Variants in ATF7IP2 observed in about 807,000 individuals in gnomAD.
ATF7IP2 encodes activating transcription factor 7 interacting protein 2.
A neutral mutation model predicts 64.2 loss-of-function variants in ATF7IP2; 42 were observed. That is an observed-to-expected ratio of 0.65 (90% CI 0.51 to 0.85). The LOEUF (loss-of-function observed/expected upper bound fraction) is 0.85, where lower values mean the gene tolerates loss of function less well. Among genes scored for constraint, ATF7IP2 ranks in the 40% least tolerant of loss-of-function variants. The probability of loss-of-function intolerance (pLI) is 0.00; values close to 1 mark genes in which losing one functional copy is unlikely to be tolerated. For synonymous variants in ATF7IP2, 308 were observed against 272.8 expected, an observed-to-expected ratio of 1.13 and a Z score of -1.27; for missense variants, 933 against 784.2, an observed-to-expected ratio of 1.19 and a Z score of -2.27.
At chr16:10,442,815 C>G (rs2048673796) in intron 8 of ATF7IP2, among the ~76,000 whole-genome samples, 1 of 152,114 alleles carries the variant, frequency 6.6e-6, no homozygotes, top group South Asian at 2.1e-4. Context: ...TAATGGCATC[C>G]TTAGTATAAC....
At chr16:10,419,764 G>C (rs2047955160) in intron 3 of ATF7IP2, 141 bp downstream of exon 3, 1 of 152,238 alleles carries the variant, frequency 6.6e-6, no homozygotes, top group Non-Finnish European at 1.5e-5. Flanking sequence ...TAAGGCTTTA[G>C]GTATCTCAGT....
rs758265588 is a variant in ATF7IP2, at chr16:10,480,870, T to G, written c.1550-9T>G. The G allele has an allele frequency of 1.4e-5, 23 of 1,586,458 alleles. No individual in the cohort carries two copies. Among genetic ancestry groups the G allele is most frequent in the Non-Finnish European group, 1.9e-5 (22 of 1,154,944 alleles). Reference sequence around the variant, plus strand: ...AAGATTTACTTCTTAAACCTTGTGTTGTTCACAGAAAGTCCAGTATCCCCC... The same window carrying G: ...AAGATTTACTTCTTAAACCTTGTGTGGTTCACAGAAAGTCCAGTATCCCCC... On this transcript the variant is annotated splice_polypyrimidine_tract_variant and intron_variant, in intron 12 of 13. Coordinates refer to ENST00000562102, the MANE Select transcript of ATF7IP2 (RefSeq NM_001393719.1).
chr16:10,438,328 T>A, intron 7 of ATF7IP2, 93 bp downstream of exon 7: 1 of 1,307,664 alleles, frequency 7.6e-7, no homozygotes. Flanking sequence ...CACTGCAGCC[T>A]CTGCCTTCTG....
chr16:10,424,586 G>C (rs1033735553), intron 3 of ATF7IP2, among the ~76,000 whole-genome samples: 7 of 152,104 alleles, frequency 4.6e-5, no homozygotes, highest in Admixed American at 2.6e-4. Flanking sequence ...TTTGTAAATT[G>C]TATCTTATAA....
At chr16:10,468,748 G>T (rs1211027219) in intron 9 of ATF7IP2, among the ~76,000 whole-genome samples, 1 of 152,172 alleles carries the variant, frequency 6.6e-6, no homozygotes, top group Non-Finnish European at 1.5e-5. Flanking sequence ...CGAGAGACTG[G>T]GGAAAGAACT....
chr16:10,436,789 C>T (rs749135781), intron 6 of ATF7IP2, among the ~76,000 whole-genome samples: 2 of 152,186 alleles, frequency 1.3e-5, no homozygotes, highest in Middle Eastern at 3.4e-3. Flanking sequence ...CAGGAGGATA[C>T]ACACTGAGTG....
At chr16:10,425,874 C>T (rs1340619262) in intron 3 of ATF7IP2, among the ~76,000 whole-genome samples, 6 of 148,734 alleles carry the variant, frequency 4.0e-5, no homozygotes, top group Admixed American at 4.0e-4. Flanking sequence ...GCCTGGGCAA[C>T]AAGAGTGAAA....
At chr16:10,427,816 C>G (rs564719422) in intron 3 of ATF7IP2, among the ~76,000 whole-genome samples, 1 of 150,660 alleles carries the variant, frequency 6.6e-6, no homozygotes, top group African/African-American at 2.4e-5. Flanking sequence ...CCATGCTGCA[C>G]TCCAGCCTGG....
chr16:10,469,689 C>G (rs1244867056), intron 9 of ATF7IP2, among the ~76,000 whole-genome samples: 1 of 151,998 alleles, frequency 6.6e-6, no homozygotes, highest in Non-Finnish European at 1.5e-5. Context: ...GCAGGAGAAT[C>G]ACTTTGAACC....
intron 1 of ATF7IP2, among the ~76,000 whole-genome samples, chr16:10,404,489 C>T (rs1326626340): frequency 6.6e-6 from 1 of 152,160 alleles, no homozygotes; most frequent in African/African-American, 2.4e-5. Context: ...ATAAATGATC[C>T]ACCCACCTTG....
chr16:10,465,431 T>TCC (rs974453335), intron 9 of ATF7IP2, among the ~76,000 whole-genome samples: 8 of 151,856 alleles, frequency 5.3e-5, no homozygotes, highest in Non-Finnish European at 7.4e-5. Context: ...TTCCTCAGTT[T>TCC]CCCTCCCAGA....
intron 1 of ATF7IP2, among the ~76,000 whole-genome samples, chr16:10,394,546 C>T (rs897894392): frequency 1.3e-5 from 2 of 152,164 alleles, no homozygotes; most frequent in African/African-American, 4.8e-5. Flanking sequence ...TATCTTTGAA[C>T]AGTCCACCCA....
chr16:10,387,311 C>T (rs2047221475), intron 1 of ATF7IP2: 1 of 152,190 alleles, frequency 6.6e-6, no homozygotes, highest in Non-Finnish European at 1.5e-5. Context: ...CTTCTTAGCT[C>T]GTTTATTCTG....
At chr16:10,454,512 ATATT>A (rs200167067) in intron 8 of ATF7IP2, among the ~76,000 whole-genome samples, 1,810 of 148,232 alleles carry the variant, frequency 0.012, 89 homozygotes, top group Admixed American at 0.086. Context: ...GTTAATCTGT[ATATT>A]TATTATTTTT....
intron 1 of ATF7IP2, among the ~76,000 whole-genome samples, chr16:10,402,606 A>G (rs1374327711): frequency 6.6e-6 from 1 of 151,638 alleles, no homozygotes. Flanking sequence ...TGGGACTACA[A>G]GCATGTGCCA....
chr16:10,402,755 T>C (rs557582614), intron 1 of ATF7IP2, among the ~76,000 whole-genome samples: 1 of 152,138 alleles, frequency 6.6e-6, no homozygotes, highest in African/African-American at 2.4e-5. Flanking sequence ...TGCGTGACTA[T>C]GTCTGGCCTG....
At chr16:10,464,934 G>A (rs2049509579) in intron 9 of ATF7IP2, among the ~76,000 whole-genome samples, 1 of 152,178 alleles carries the variant, frequency 6.6e-6, no homozygotes, top group African/African-American at 2.4e-5. Flanking sequence ...GGGTTTAGGT[G>A]ATTCTTCCGC....
intron 3 of ATF7IP2, among the ~76,000 whole-genome samples, chr16:10,420,038 C>T (rs1299575016): frequency 3.3e-5 from 5 of 152,184 alleles, no homozygotes; most frequent in Non-Finnish European, 7.3e-5. Context: ...CTGTTTCCCT[C>T]CTTTTGCTTT....
chr16:10,391,650 C>CA (rs1426467463), intron 1 of ATF7IP2, among the ~76,000 whole-genome samples: 2 of 152,184 alleles, frequency 1.3e-5, no homozygotes, highest in East Asian at 3.9e-4. Flanking sequence ...GTAATCCCAG[C>CA]ACTTTAGGAG....
Sources: gnomAD v4.1 joint callset for allele counts (sites outside exome capture counted in the v4.1 genomes callset) on GRCh38, gnomAD v4.1.1 for gene constraint, MANE v1.5 for transcripts, NCBI Gene and HGNC (gene_info 2026-07-23, HGNC 2026-07-21) for gene names.